The following PRKAR1B variants were observed in gnomAD, a reference collection of about 807,000 sequenced individuals.
PRKAR1B encodes the protein protein kinase cAMP-dependent type I regulatory subunit beta.
In PRKAR1B, 22 loss-of-function variants were observed where a neutral mutation model predicts 46.5. The observed-to-expected ratio is 0.47, with a 90% CI of 0.34 to 0.68. The LOEUF is 0.68. Ranked by LOEUF, PRKAR1B falls within the 30% of genes least tolerant of loss-of-function variation. The pLI is 0.01. For synonymous variants in PRKAR1B, 259 were observed against 217.7 expected (o/e 1.19, Z -1.67); for missense variants, 445 against 535.6 (o/e 0.83, Z 1.67).
rs1435896910 is a variant in PRKAR1B at position 550,243 on chromosome 7, G to T, written c.*187C>A. The T allele has an allele frequency of 1.2e-5, 7 of 593,496 alleles. 1 individual carries two copies. The highest frequency in any genetic ancestry group is 1.9e-5 in the African/African-American group (1 of 52,920). 36.8% of individuals were successfully genotyped at this position (593,496 alleles called of 1,614,324 possible). A position where few individuals can be genotyped will look rare whatever the true frequency, so the allele number is the denominator to read the frequency against. On this transcript the variant is annotated 3_prime_UTR_variant, in exon 11 of 11. Transcript: ENST00000537384. ...GATGCATTTTGTCCGCTTGTCCTTT[G>T]ATTTGGAAATGCACAAGGTGATCAT...
At chr7:654,860 T>C (rs1325460380) in intron 4 of PRKAR1B, among the ~76,000 whole-genome samples, 1 of 151,924 alleles carries the variant, frequency 6.6e-6, no homozygotes, top group African/African-American at 2.4e-5. Context: ...CAACACTCAT[T>C]ATCACCATCA....
At chr7:691,953 G>A (rs1779453791) in intron 2 of PRKAR1B, 1 of 638,032 alleles carries the variant, frequency 1.6e-6, no homozygotes. Flanking sequence ...GAATCACTGG[G>A]AGACGGAAAT....
rs200434662 is a variant in PRKAR1B, at chr7:613,241, GT to G, written c.441-5790del. Among the ~76,000 whole-genome samples the G allele has an allele frequency of 6.9e-3, 939 of 136,926 alleles. 7 individuals carry two copies. Among genetic ancestry groups the G allele is most frequent in the East Asian group, 0.014 (66 of 4,696 alleles). The allele number at this position is 136,926 out of a possible 152,430, so 89.8% of individuals were successfully genotyped here. A position where few individuals can be genotyped will look rare whatever the true frequency, so the allele number is the denominator to read the frequency against. ...TCATGTGTTTTTTTCTTTTTCTTTT[GT>G]TTTTTTTTTTTTGATTACTTGTACT... is the stretch of plus-strand genomic sequence containing the variant. On this transcript the variant is annotated intron_variant, in intron 4 of 10. Coordinates refer to ENST00000537384, the MANE Select transcript of PRKAR1B (RefSeq NM_001164760.2).
intron 1 of PRKAR1B, among the ~76,000 whole-genome samples, chr7:715,549 T>C (rs190937608): frequency 5.1e-4 from 77 of 151,990 alleles, no homozygotes; most frequent in Non-Finnish European, 9.3e-4. Context: ...TATCTTCCCA[T>C]AGGGAAGGAC....
chr7:672,834 T>A (rs1289739392), intron 4 of PRKAR1B, among the ~76,000 whole-genome samples: 5 of 151,680 alleles, frequency 3.3e-5, no homozygotes, highest in Non-Finnish European at 5.9e-5. Context: ...AAGACTGCAC[T>A]CCCGCCTGGG....
chr7:656,284 G>GAATT (rs140917775), intron 4 of PRKAR1B, among the ~76,000 whole-genome samples: 13,172 of 152,230 alleles, frequency 0.087, 739 homozygotes, highest in South Asian at 0.24. Flanking sequence ...ATGGATGGAT[G>GAATT]AATGAGTGGA....
rs1780247306 is a variant in PRKAR1B at position 582,567 on chromosome 7, G to A, written c.769+1941C>T. Among the ~76,000 whole-genome samples the A allele has an allele frequency of 4.6e-5, 7 of 152,268 alleles. No homozygotes were observed. In the South Asian group the frequency reaches 1.4e-3, roughly 31 times the overall value. The stretch of plus-strand genomic sequence containing the variant: ...ATCAGAGGAACATAAATGGGCGGAC[G>A]GAGGCCACGCGGCCAGGGCGTGCGA... On this transcript the variant is annotated intron_variant, in intron 8 of 10. Coordinates refer to ENST00000537384, the MANE Select transcript of PRKAR1B (RefSeq NM_001164760.2).
intron 8 of PRKAR1B, among the ~76,000 whole-genome samples, chr7:579,735 T>A (rs902079802): frequency 2.0e-5 from 3 of 152,262 alleles, no homozygotes; most frequent in Non-Finnish European, 4.4e-5. Context: ...TTCAAAAGAA[T>A]AGAGCTGCTT....
intron 4 of PRKAR1B, among the ~76,000 whole-genome samples, chr7:619,936 G>A (rs917630769): frequency 8.6e-5 from 13 of 151,868 alleles, no homozygotes; most frequent in African/African-American, 2.7e-4. Context: ...CTGTAGCCTC[G>A]AACTCCTGGG....
intron 7 of PRKAR1B, among the ~76,000 whole-genome samples, chr7:590,500 G>A (rs553769365): frequency 1.3e-5 from 2 of 152,336 alleles, no homozygotes; most frequent in African/African-American, 4.8e-5. Flanking sequence ...TGGGCACTTG[G>A]AGCCCAAGAG....
chr7:614,207 C>T (rs1023399699), intron 4 of PRKAR1B, among the ~76,000 whole-genome samples: 1 of 152,236 alleles, frequency 6.6e-6, no homozygotes, highest in African/African-American at 2.4e-5. Context: ...TCTGCCCAAC[C>T]TCAGCCACTC....
In PRKAR1B at chr7:560,359, AAATAATAATAATAAT is replaced by A. The variant is rs200894141; in HGVS notation, c.892-8904_892-8890del. ...TAGCAGTGTTAGAATGAACTAATAC[AAATAATAATAATAAT>A]AATAATAATAATAATAAATATATTT... On this transcript the variant is annotated intron_variant, in intron 9 of 10. Transcript: ENST00000537384. This position sits in a 1 kb window ranked among gnomAD's most constrained non-coding sequence, Gnocchi z 4.2. 1.4e-5 allele frequency among the ~76,000 whole-genome samples: 2 copies of A among 146,556 alleles called. No individual in the cohort carries two copies. The highest frequency in any genetic ancestry group is 4.3e-4 in the South Asian group (2 of 4,676).
intron 4 of PRKAR1B, among the ~76,000 whole-genome samples, chr7:611,773 G>A (rs1156983273): frequency 1.5e-4 from 5 of 34,336 alleles, no homozygotes; most frequent in East Asian, 4.1e-3. Flanking sequence ...CGAATGAATG[G>A]ATGGATGGAT....
chr7:552,650 A>G (rs568830233), intron 9 of PRKAR1B, among the ~76,000 whole-genome samples: 75 of 143,180 alleles, frequency 5.2e-4, no homozygotes, highest in African/African-American at 1.8e-3. Context: ...TTGTTCAGAC[A>G]CACAGCTCCT....
intron 4 of PRKAR1B, among the ~76,000 whole-genome samples, chr7:615,910 GAA>G (rs1029147181): frequency 1.4e-5 from 2 of 147,764 alleles, no homozygotes; most frequent in African/African-American, 5.0e-5. Context: ...AAGGAAGAGA[GAA>G]AGAGAGAAAA....
chr7:642,415 C>T (rs1214734457), intron 4 of PRKAR1B, among the ~76,000 whole-genome samples: 1 of 152,138 alleles, frequency 6.6e-6, no homozygotes, highest in Non-Finnish European at 1.5e-5. Context: ...TGAATTCTAC[C>T]TCTGTAAAGC....
At chr7:592,391 G>A (rs1562545314) in intron 7 of PRKAR1B, among the ~76,000 whole-genome samples, 1 of 152,234 alleles carries the variant, frequency 6.6e-6, no homozygotes, top group South Asian at 2.1e-4. Context: ...CCCATTGGCT[G>A]TGCGGAGTCA....
chr7:683,576 G>C (rs1331849265), intron 2 of PRKAR1B, among the ~76,000 whole-genome samples: 1 of 152,204 alleles, frequency 6.6e-6, no homozygotes, highest in Non-Finnish European at 1.5e-5. Flanking sequence ...CTGGGACATG[G>C]GTGGGAGCTC....
intron 4 of PRKAR1B, among the ~76,000 whole-genome samples, chr7:615,373 G>A (rs538884673): frequency 3.7e-4 from 54 of 145,864 alleles, no homozygotes; most frequent in African/African-American, 1.2e-3. Flanking sequence ...TGCAGTGAGC[G>A]GAGATCGCGC....
Sources: allele counts gnomAD v4.1 joint callset (sites outside exome capture counted in the v4.1 genomes callset), GRCh38; gene constraint gnomAD v4.1.1; non-coding constraint Gnocchi (gnomAD v3.1); transcripts MANE v1.5; gene names NCBI Gene and HGNC (gene_info 2026-07-23, HGNC 2026-07-21).